The following TMIGD3 variants were observed in gnomAD, a reference collection of about 807,000 sequenced individuals.
The protein encoded by TMIGD3 is transmembrane and immunoglobulin domain containing 3.
In TMIGD3, 21 loss-of-function variants were observed where a neutral mutation model predicts 28.1. The ratio of observed to expected loss-of-function variants is 0.75; its 90% CI spans 0.53 to 1.08. The LOEUF is 1.08. Among genes scored for constraint, TMIGD3 ranks in the 50% least tolerant of loss-of-function variants. The pLI is 0.00. For synonymous variants in TMIGD3, 151 were observed against 162.1 expected, an observed-to-expected ratio of 0.93 and a Z score of 0.52; for missense variants, 416 against 435.6, an observed-to-expected ratio of 0.96 and a Z score of 0.40.
intron 1 of TMIGD3, among the ~76,000 whole-genome samples, chr1:111,554,867 C>G (rs1657416608): frequency 6.6e-6 from 1 of 152,062 alleles, no homozygotes; most frequent in Non-Finnish European, 1.5e-5. Context: ...AATGTTAGCT[C>G]ACAATTTACA....
At chr1:111,556,901 T>TTATA (rs140554076) in intron 1 of TMIGD3, among the ~76,000 whole-genome samples, 78 of 148,402 alleles carry the variant, frequency 5.3e-4, no homozygotes, top group African/African-American at 1.1e-3. Context: ...ACATTTTACA[T>TTATA]TATATATATG....
At chr1:111,495,431 C>T (rs1454017829) in intron 1 of TMIGD3, among the ~76,000 whole-genome samples, 2 of 152,102 alleles carry the variant, frequency 1.3e-5, no homozygotes, top group Non-Finnish European at 2.9e-5. Flanking sequence ...TCACACCAGT[C>T]AGAATGGCTA....
chr1:111,542,010 T>C (rs1317304821), intron 1 of TMIGD3, among the ~76,000 whole-genome samples: 1 of 151,998 alleles, frequency 6.6e-6, no homozygotes, highest in Non-Finnish European at 1.5e-5. Flanking sequence ...AGGAACACCA[T>C]TCATTCCATA....
intron 1 of TMIGD3, chr1:111,500,065 A>C (rs763675616): frequency 1.2e-6 from 2 of 1,614,208 alleles, no homozygotes; most frequent in Non-Finnish European, 1.7e-6. Context: ...ATAGGCATAG[A>C]CGATAGGGTT....
chr1:111,537,459 A>C (rs1218174151), intron 1 of TMIGD3, among the ~76,000 whole-genome samples: 1 of 152,222 alleles, frequency 6.6e-6, no homozygotes, highest in African/African-American at 2.4e-5. Context: ...TTCAGTGATA[A>C]AGACAGGTGT....
intron 2 of TMIGD3, chr1:111,489,567 C>G: frequency 9.3e-7 from 1 of 1,075,258 alleles, no homozygotes; most frequent in Non-Finnish European, 1.2e-6. Context: ...ACTAATAAAG[C>G]AACTCTGGAG....
chr1:111,486,402 ATTTTTT>A (rs11311759), intron 4 of TMIGD3, among the ~76,000 whole-genome samples, 178 bp downstream of exon 4: 4 of 142,542 alleles, frequency 2.8e-5, no homozygotes, highest in African/African-American at 1.0e-4. Context: ...CCTAAACTGT[ATTTTTT>A]TTTTTTTTTT....
chr1:111,504,869 G>A, upstream of TMIGD3: 1 of 985,064 alleles, frequency 1.0e-6, no homozygotes, highest in South Asian at 4.7e-5. Context: ...TCCCATACTT[G>A]TCCCCGCCAG....
At chr1:111,557,585 G>A (rs950635536) in intron 1 of TMIGD3, among the ~76,000 whole-genome samples, 19 of 151,258 alleles carry the variant, frequency 1.3e-4, no homozygotes, top group African/African-American at 4.1e-4. Flanking sequence ...GGAAAATAAA[G>A]AAAATTTTGG....
At chr1:111,555,520 T>A (rs979186680) in intron 1 of TMIGD3, among the ~76,000 whole-genome samples, 1 of 151,934 alleles carries the variant, frequency 6.6e-6, no homozygotes, top group Non-Finnish European at 1.5e-5. Context: ...AATTGAAGAA[T>A]AGCTGAAGAA....
At chr1:111,513,948 G>T (rs1171312395) in intron 1 of TMIGD3, among the ~76,000 whole-genome samples, 1 of 152,232 alleles carries the variant, frequency 6.6e-6, no homozygotes, top group Non-Finnish European at 1.5e-5. Context: ...GAGCTGGTGG[G>T]AGGGGCTGTG....
At chr1:111,490,148 G>A (rs1181418474) in intron 2 of TMIGD3, among the ~76,000 whole-genome samples, 1 of 152,170 alleles carries the variant, frequency 6.6e-6, no homozygotes, top group Non-Finnish European at 1.5e-5. Context: ...GAAAAGGCCA[G>A]TGTTCCAAGT....
intron 1 of TMIGD3, among the ~76,000 whole-genome samples, chr1:111,526,588 C>G (rs1289393088): frequency 1.3e-5 from 2 of 152,188 alleles, no homozygotes; most frequent in Non-Finnish European, 2.9e-5. Flanking sequence ...AAAACACTCT[C>G]CCATGAGAGT....
intron 1 of TMIGD3, among the ~76,000 whole-genome samples, chr1:111,562,051 T>C (rs370976369): frequency 1.6e-4 from 25 of 152,196 alleles, no homozygotes; most frequent in African/African-American, 4.8e-4. Context: ...TTTTCTCAAC[T>C]GGGACAGCCA....
intron 1 of TMIGD3, among the ~76,000 whole-genome samples, chr1:111,554,040 C>T (rs9988442): frequency 0.031 from 4,705 of 152,334 alleles, 223 homozygotes; most frequent in African/African-American, 0.11. Context: ...GGAATGGTTA[C>T]GTGCATATGC....
chr1:111,511,723 CTGTT>C (rs1655698426), intron 1 of TMIGD3, among the ~76,000 whole-genome samples: 2 of 143,524 alleles, frequency 1.4e-5, no homozygotes, highest in African/African-American at 5.3e-5. Flanking sequence ...TCCATCCTCT[CTGTT>C]TATTTCCTAT....
chr1:111,506,256 C>T (rs556887367), upstream of TMIGD3, among the ~76,000 whole-genome samples: 15 of 152,304 alleles, frequency 9.8e-5, no homozygotes, highest in African/African-American at 3.6e-4. Context: ...ATCATGGGTG[C>T]TCAGTACATT....
intron 1 of TMIGD3, among the ~76,000 whole-genome samples, chr1:111,497,976 A>G (rs1026763702): frequency 7.2e-5 from 11 of 152,200 alleles, no homozygotes; most frequent in Admixed American, 6.5e-4. Flanking sequence ...AAGTTGTTCC[A>G]AGGTGAACAG....
chr1:111,547,214 ATGT>A (rs1426992295), intron 1 of TMIGD3, among the ~76,000 whole-genome samples: 1 of 152,094 alleles, frequency 6.6e-6, no homozygotes, highest in Non-Finnish European at 1.5e-5. Flanking sequence ...ATTAAGTATA[ATGT>A]TAGCAGTGGG....
Sources: allele counts gnomAD v4.1 joint callset (sites outside exome capture counted in the v4.1 genomes callset), GRCh38; gene constraint gnomAD v4.1.1; transcripts MANE v1.5; gene names NCBI Gene and HGNC (gene_info 2026-07-23, HGNC 2026-07-21).